The following DLC1 variants were observed in gnomAD, a reference collection of about 807,000 sequenced individuals.
The protein encoded by DLC1 is DLC1 Rho GTPase activating protein, also known as rho GTPase-activating protein 7.
DLC1 carries 54 observed loss-of-function variants against 140.3 expected under a neutral mutation model. The ratio of observed to expected loss-of-function variants is 0.38; its 90% CI spans 0.31 to 0.48. DLC1 has a LOEUF of 0.48. Ranked by LOEUF, DLC1 falls within the 20% of genes least tolerant of loss-of-function variation. The pLI is 0.96. For missense variants in DLC1, 2,536 were observed against 1,907.0 expected, an observed-to-expected ratio of 1.33 and a Z score of -6.14; for synonymous variants, 986 against 728.1, an observed-to-expected ratio of 1.35 and a Z score of -5.70.
At chr8:13,374,638 T>C (rs1371625969) in intron 4 of DLC1, among the ~76,000 whole-genome samples, 3 of 151,994 alleles carry the variant, frequency 2.0e-5, no homozygotes, top group Admixed American at 6.6e-5. Flanking sequence ...CAAAAATTAG[T>C]CAGGAGTGGT....
intron 1 of DLC1, chr8:13,535,929 G>T (rs1328594003): frequency 6.6e-6 from 1 of 152,116 alleles, no homozygotes; most frequent in African/African-American, 2.4e-5. Context: ...TTATGTAAGT[G>T]TTAGCAAGAA....
At chr8:13,444,558 A>T (rs1328653779) in intron 2 of DLC1, among the ~76,000 whole-genome samples, 1 of 152,202 alleles carries the variant, frequency 6.6e-6, no homozygotes, top group Non-Finnish European at 1.5e-5. Context: ...CTACGAAAGG[A>T]ACAAAGAACA....
At chr8:13,603,047 A>C (rs1472482382) in intron 1 of DLC1, among the ~76,000 whole-genome samples, 1 of 151,898 alleles carries the variant, frequency 6.6e-6, no homozygotes, top group Non-Finnish European at 1.5e-5. Context: ...CCAACTGTTG[A>C]TATGACAAAA....
intron 5 of DLC1, among the ~76,000 whole-genome samples, chr8:13,239,538 T>A (rs1829453031): frequency 6.6e-6 from 1 of 152,114 alleles, no homozygotes; most frequent in Admixed American, 6.6e-5. Flanking sequence ...GTGATCAGCT[T>A]TTTTCACTGT....
At chr8:13,208,360 A>G (rs1049918547) in intron 5 of DLC1, among the ~76,000 whole-genome samples, 2 of 152,198 alleles carry the variant, frequency 1.3e-5, no homozygotes, top group African/African-American at 2.4e-5. Flanking sequence ...ACACAGCCAA[A>G]GATTTTTGTT....
At chr8:13,281,633 A>G (rs1831369223) in intron 5 of DLC1, among the ~76,000 whole-genome samples, 1 of 152,176 alleles carries the variant, frequency 6.6e-6, no homozygotes, top group Non-Finnish European at 1.5e-5. Context: ...AGGTTCAGAG[A>G]CTTGCTCTAC....
chr8:13,214,584 C>A (rs200096327), intron 5 of DLC1: 8 of 659,570 alleles, frequency 1.2e-5, no homozygotes, highest in African/African-American at 9.3e-5. Flanking sequence ...TGTGGCTGCC[C>A]GAGGAAATTG....
At chr8:13,225,733 A>C (rs1434446266) in intron 5 of DLC1, among the ~76,000 whole-genome samples, 1 of 150,056 alleles carries the variant, frequency 6.7e-6, no homozygotes, top group Non-Finnish European at 1.5e-5. Context: ...CTCTTGCCTC[A>C]GCCTCCTGAG....
chr8:13,140,773 A>G (rs551435198), intron 5 of DLC1, among the ~76,000 whole-genome samples: 37 of 152,316 alleles, frequency 2.4e-4, no homozygotes, highest in African/African-American at 8.2e-4. Flanking sequence ...TTTTTCCTAT[A>G]GGGCTTGACC....
At chr8:13,446,722 C>T (rs1423153707) in intron 2 of DLC1, among the ~76,000 whole-genome samples, 2 of 152,138 alleles carry the variant, frequency 1.3e-5, no homozygotes, top group African/African-American at 4.8e-5. Flanking sequence ...GGGCAGATCA[C>T]CTGAGGTCAG....
intron 5 of DLC1, among the ~76,000 whole-genome samples, chr8:13,188,679 A>T (rs1826532406): frequency 7.3e-6 from 1 of 136,776 alleles, no homozygotes; most frequent in African/African-American, 2.8e-5. Context: ...ATCTTGGCTC[A>T]CTGCAACTTC....
At chr8:13,482,269 T>C (rs1248559227) in intron 2 of DLC1, among the ~76,000 whole-genome samples, 1 of 152,190 alleles carries the variant, frequency 6.6e-6, no homozygotes, top group Non-Finnish European at 1.5e-5. Context: ...AATGGAAGCA[T>C]GTATTTCTAG....
chr8:13,274,199 G>A (rs1831069537), intron 5 of DLC1, among the ~76,000 whole-genome samples: 1 of 152,158 alleles, frequency 6.6e-6, no homozygotes, highest in Non-Finnish European at 1.5e-5. Context: ...GAGGGAAAGG[G>A]ATGGAAGCAA....
chr8:13,345,142 G>A (rs899602719), intron 4 of DLC1, among the ~76,000 whole-genome samples: 8 of 152,242 alleles, frequency 5.3e-5, no homozygotes, highest in East Asian at 1.9e-4. Flanking sequence ...ATTTGTCCAC[G>A]TGTGATATGG....
chr8:13,158,375 A>G (rs1824414704), intron 5 of DLC1, among the ~76,000 whole-genome samples: 1 of 152,326 alleles, frequency 6.6e-6, no homozygotes, highest in South Asian at 2.1e-4. Context: ...TAATTTAGAA[A>G]CGGTTGTGTT....
chr8:13,214,957 C>T (rs1433560430), intron 5 of DLC1, among the ~76,000 whole-genome samples: 2 of 152,170 alleles, frequency 1.3e-5, no homozygotes, highest in African/African-American at 4.8e-5. Flanking sequence ...CCCATTTAAC[C>T]ACGTAACCAT....
intron 5 of DLC1, chr8:13,160,331 C>T (rs1464762254): frequency 6.6e-6 from 1 of 152,196 alleles, no homozygotes; most frequent in African/African-American, 2.4e-5. Flanking sequence ...GTGTTGCTAA[C>T]TTGAAGCCAT....
In DLC1 at chr8:13,182,845, A is replaced by G. The variant is rs183486644; in HGVS notation, c.1349-67188T>C. 2.8e-3 allele frequency among the ~76,000 whole-genome samples: 424 copies of G among 152,236 alleles called. 2 individuals carry two copies. The highest frequency in any genetic ancestry group is 9.5e-3 in the African/African-American group (395 of 41,524). ...ATGAACTTTAAAGTAGTTTTTTCCA[A>G]TTCTGTGAAGAAAGTCATTGGTAGC... is the stretch of plus-strand genomic sequence containing the variant. On this transcript the variant is annotated intron_variant, in intron 5 of 17. Transcript: ENST00000276297.
At chr8:13,314,865 A>C (rs1832802072) in intron 4 of DLC1, among the ~76,000 whole-genome samples, 1 of 152,196 alleles carries the variant, frequency 6.6e-6, no homozygotes, top group African/African-American at 2.4e-5. Flanking sequence ...GCCCAGAAAC[A>C]CTTTTATTAC....
Sources: gnomAD v4.1 joint callset for allele counts (sites outside exome capture counted in the v4.1 genomes callset) on GRCh38, gnomAD v4.1.1 for gene constraint, MANE v1.5 for transcripts, NCBI Gene and HGNC (gene_info 2026-07-23, HGNC 2026-07-21) for gene names.